MCC: variants seen among roughly 807,000 people sequenced by gnomAD.
MCC encodes colorectal mutant cancer protein.
A neutral mutation model predicts 116.2 loss-of-function variants in MCC; 90 were observed. That is an observed-to-expected ratio of 0.77 (90% CI 0.65 to 0.92). The LOEUF (loss-of-function observed/expected upper bound fraction) is 0.92. MCC is among the 40% of genes least tolerant of loss of function. The probability of loss-of-function intolerance (pLI) is 0.00; values close to 1 mark genes in which losing one functional copy is unlikely to be tolerated. For synonymous variants in MCC, 578 were observed against 510.5 expected, an observed-to-expected ratio of 1.13 and a Z score of -1.78; for missense variants, 1,516 against 1,312.2, an observed-to-expected ratio of 1.16 and a Z score of -2.40.
At chr5:113,180,965 C>G (rs1207647300) in intron 3 of MCC, among the ~76,000 whole-genome samples, 3 of 152,136 alleles carry the variant, frequency 2.0e-5, no homozygotes, top group Non-Finnish European at 4.4e-5. Flanking sequence ...TAAAATCATC[C>G]AAAAGTCAAC....
At chr5:113,337,981 C>G (rs1366347311) in intron 3 of MCC, among the ~76,000 whole-genome samples, 1 of 152,138 alleles carries the variant, frequency 6.6e-6, no homozygotes, top group Non-Finnish European at 1.5e-5. Flanking sequence ...TCATGTATCA[C>G]TCTCACGTAT....
intron 1 of MCC, among the ~76,000 whole-genome samples, chr5:113,464,619 T>C (rs1771845456): frequency 1.3e-5 from 2 of 152,224 alleles, no homozygotes; most frequent in African/African-American, 4.8e-5. Flanking sequence ...TGTTTTTGTT[T>C]ATTTATCTCA....
At chr5:113,397,050 A>G (rs1177363651) in intron 1 of MCC, among the ~76,000 whole-genome samples, 2 of 152,244 alleles carry the variant, frequency 1.3e-5, no homozygotes, top group Admixed American at 1.3e-4. Flanking sequence ...CTATGGATAA[A>G]TGCACCTCAG....
At chr5:113,266,033 A>T (rs183342885) in intron 3 of MCC, among the ~76,000 whole-genome samples, 1 of 152,210 alleles carries the variant, frequency 6.6e-6, no homozygotes, top group Non-Finnish European at 1.5e-5. Context: ...GACAAGGCTA[A>T]TAAGACCCTC....
intron 5 of MCC, among the ~76,000 whole-genome samples, chr5:113,137,489 G>A (rs1758911004): frequency 6.6e-6 from 1 of 152,074 alleles, no homozygotes; most frequent in East Asian, 1.9e-4. Context: ...GTGGTATATT[G>A]TGTTTATTTA....
chr5:113,232,542 C>CT (rs898778056), intron 3 of MCC, among the ~76,000 whole-genome samples: 2 of 152,136 alleles, frequency 1.3e-5, no homozygotes, highest in South Asian at 2.1e-4. Flanking sequence ...ATCAGAGACT[C>CT]TGTCAGTTTA....
chr5:113,085,605 G>T (rs1247124909), intron 8 of MCC, among the ~76,000 whole-genome samples: 1 of 152,102 alleles, frequency 6.6e-6, no homozygotes, highest in Non-Finnish European at 1.5e-5. Context: ...AACGGAATCT[G>T]CCACAGACCA....
chr5:113,369,640 C>T (rs2150388384), intron 2 of MCC, among the ~76,000 whole-genome samples: 1 of 152,034 alleles, frequency 6.6e-6, no homozygotes, highest in African/African-American at 2.4e-5. Context: ...TGGTTGTTTC[C>T]ACCTTTGGGC....
intron 1 of MCC, chr5:113,433,984 T>C (rs761963339): frequency 6.2e-6 from 10 of 1,613,826 alleles, no homozygotes; most frequent in Middle Eastern, 1.6e-4. Flanking sequence ...TCCCCCTCCT[T>C]GTTGATGGCC....
rs181976887 is a variant in MCC, at chr5:113,123,729, G to A, written c.885-903C>T. ...AGGTATGGAGACAGCAAAATGAACC[G>A]TCTTTGAAGGATCTATTTTGCAAGT... On this transcript the variant is annotated intron_variant, in intron 5 of 18. Transcript: ENST00000408903. Among the ~76,000 whole-genome samples the A allele has an allele frequency of 3.4e-4, 51 of 152,220 alleles. No individual in the cohort carries two copies. In the East Asian group the frequency reaches 8.3e-3, roughly 25 times the overall value.
intron 3 of MCC, among the ~76,000 whole-genome samples, chr5:113,230,832 G>A (rs1231653305): frequency 6.6e-6 from 1 of 152,082 alleles, no homozygotes; most frequent in African/African-American, 2.4e-5. Context: ...CCATTCCATT[G>A]ACTTTCTCTT....
chr5:113,106,466 C>G (rs1369684712), intron 6 of MCC, among the ~76,000 whole-genome samples: 3 of 152,170 alleles, frequency 2.0e-5, no homozygotes, highest in Admixed American at 6.5e-5. Flanking sequence ...ATGCCAAACT[C>G]CTGTCTGCTC....
intron 17 of MCC, among the ~76,000 whole-genome samples, chr5:113,040,967 A>G (rs1425744777): frequency 6.6e-6 from 1 of 152,170 alleles, no homozygotes; most frequent in Non-Finnish European, 1.5e-5. Flanking sequence ...CAATATCCAA[A>G]TGGCTCCCAC....
At chr5:113,273,395 G>A (rs983842667) in intron 3 of MCC, among the ~76,000 whole-genome samples, 1 of 152,190 alleles carries the variant, frequency 6.6e-6, no homozygotes, top group African/African-American at 2.4e-5. Flanking sequence ...TATAAAGCTG[G>A]AAATCAGGGA....
At chr5:113,486,118 C>A (rs1214251313) in intron 1 of MCC, among the ~76,000 whole-genome samples, 2 of 152,194 alleles carry the variant, frequency 1.3e-5, no homozygotes, top group African/African-American at 4.8e-5. Flanking sequence ...AAACACACTT[C>A]CAGACAAGTT....
intron 3 of MCC, among the ~76,000 whole-genome samples, chr5:113,229,567 G>C (rs2150333568): frequency 6.6e-6 from 1 of 152,248 alleles, no homozygotes. Flanking sequence ...ATGGGTTTAG[G>C]ATACAATCAC....
intron 5 of MCC, among the ~76,000 whole-genome samples, chr5:113,139,236 T>C (rs1430181896): frequency 6.6e-6 from 1 of 152,192 alleles, no homozygotes; most frequent in African/African-American, 2.4e-5. Flanking sequence ...TCCTCAGGCT[T>C]CTAAACTTTT....
chr5:113,124,070 A>G (rs115143830), intron 5 of MCC, among the ~76,000 whole-genome samples: 1,910 of 152,354 alleles, frequency 0.013, 34 homozygotes, highest in Non-Finnish European at 0.017. Context: ...AAAGGGATTC[A>G]GCTGAGCCCG....
At chr5:113,265,874 G>A (rs1035445116) in intron 3 of MCC, among the ~76,000 whole-genome samples, 2 of 152,112 alleles carry the variant, frequency 1.3e-5, no homozygotes, top group African/African-American at 4.8e-5. Context: ...GTGTAACAGT[G>A]TAAATGGAAT....
Sources: gnomAD v4.1 joint callset for allele counts (sites outside exome capture counted in the v4.1 genomes callset) on GRCh38, gnomAD v4.1.1 for gene constraint, MANE v1.5 for transcripts, NCBI Gene and HGNC (gene_info 2026-07-23, HGNC 2026-07-21) for gene names.